The following SNX19 variants were observed in gnomAD, a reference collection of about 807,000 sequenced individuals.
SNX19 encodes the protein sorting nexin-19.
SNX19 carries 60 observed loss-of-function variants against 85.2 expected under a neutral mutation model. The observed-to-expected ratio is 0.70, with a 90% CI of 0.57 to 0.87. The LOEUF (loss-of-function observed/expected upper bound fraction) is 0.87. SNX19 is among the 40% of genes least tolerant of loss of function. The pLI is 0.00. For missense variants in SNX19, 1,201 were observed against 1,217.8 expected, an observed-to-expected ratio of 0.99 and a Z score of 0.21; for synonymous variants, 520 against 470.0, an observed-to-expected ratio of 1.11 and a Z score of -1.38.
intron 8 of SNX19, among the ~76,000 whole-genome samples, chr11:130,893,314 A>G (rs575152689): frequency 6.6e-6 from 1 of 152,204 alleles, no homozygotes; most frequent in Non-Finnish European, 1.5e-5. Context: ...TTAGGGATTT[A>G]TTTAAATCAG....
intron 8 of SNX19, among the ~76,000 whole-genome samples, chr11:130,895,603 C>G (rs1180557935): frequency 1.3e-5 from 2 of 151,974 alleles, no homozygotes; most frequent in Non-Finnish European, 2.9e-5. Flanking sequence ...AAGAACCTGA[C>G]TTGGAAAAAA....
intron 8 of SNX19, among the ~76,000 whole-genome samples, chr11:130,896,458 C>A (rs1944884141): frequency 6.6e-6 from 1 of 152,042 alleles, no homozygotes; most frequent in Admixed American, 6.5e-5. Context: ...TCCCTGAGAC[C>A]AGCTGGATGG....
Position 130,916,198 on chromosome 11 carries a change from GC to G in SNX19, c.-260del, listed in dbSNP as rs1393472616. Reference sequence around the variant, plus strand: ...TGTGGCTTTGGAGGAAAACTCTGTGGCCTTCACACTGCCCCAGGCGGAAGGC... The same window carrying G: ...TGTGGCTTTGGAGGAAAACTCTGTGGCTTCACACTGCCCCAGGCGGAAGGC... On this transcript the variant is annotated 5_prime_UTR_variant, in exon 1 of 11. Transcript: ENST00000265909. The G allele has an allele frequency of 7.8e-6, 4 of 513,138 alleles. No homozygotes were observed. Among genetic ancestry groups the G allele is most frequent in the Non-Finnish European group, 1.4e-5 (4 of 286,150 alleles). The allele number at this position is 513,138 out of a possible 1,614,324, so 31.8% of individuals were successfully genotyped here.
At chr11:130,892,295 CGACA>C (rs1944555824) in intron 8 of SNX19, among the ~76,000 whole-genome samples, 1 of 151,700 alleles carries the variant, frequency 6.6e-6, no homozygotes, top group Non-Finnish European at 1.5e-5. Context: ...CACTGAAAAG[CGACA>C]GACAGGTTTG....
intron 8 of SNX19, among the ~76,000 whole-genome samples, chr11:130,899,922 A>G (rs1945144854): frequency 6.6e-6 from 1 of 152,254 alleles, no homozygotes; most frequent in South Asian, 2.1e-4. Flanking sequence ...ACCAAAAAAC[A>G]AAAAGTCAGA....
chr11:130,892,770 G>C (rs1232872886), intron 8 of SNX19: 1 of 152,212 alleles, frequency 6.6e-6, no homozygotes, highest in Admixed American at 6.5e-5. Flanking sequence ...TTTCACTGCA[G>C]AGACTATAGG....
At chr11:130,902,240 G>A (rs1945307544) in intron 8 of SNX19, among the ~76,000 whole-genome samples, 1 of 152,236 alleles carries the variant, frequency 6.6e-6, no homozygotes, top group South Asian at 2.1e-4. Flanking sequence ...TGTAAATGGA[G>A]ATTGGGCGCT....
rs908586426 is a variant in SNX19, at chr11:130,869,032, C to T, written c.*9390G>A. The T allele has an allele frequency of 2.0e-5, 3 of 152,160 alleles. No homozygotes were observed. The highest frequency in any genetic ancestry group is 2.1e-4 in the South Asian group (1 of 4,828). The allele number at this position is 152,160 out of a possible 1,614,324, so 9.4% of individuals were successfully genotyped here. A position where few individuals can be genotyped will look rare whatever the true frequency, so the allele number is the denominator to read the frequency against. ...GGATGGAGGCACTAGCTGAGGCTTA[C>T]GAGTTAGAATAGATAAGGTGAAAAT... On this transcript the variant is annotated 3_prime_UTR_variant, in exon 11 of 11. Transcript: ENST00000265909.
Position 130,915,688 on chromosome 11 carries a change from C to G in SNX19, c.252G>C (p.Pro84=). 1 of 1,614,202 alleles carries G rather than the reference C, an allele frequency of 6.2e-7. No individual in the cohort carries two copies. Among genetic ancestry groups the G allele is most frequent in the Non-Finnish European group, 8.5e-7 (1 of 1,180,038 alleles). ...CAGGGCATGGAGGACAGGTGGCCAA[C>G]GGGATGAAGCGTTCCAGATGCAGTC... The part of the protein sequence containing the change: ...SGRLHLERFI[P]LATCPPCPEA... The change falls in exon 1 of 11, where the codon CCG becomes CCC. Residue 84 remains proline (P), a synonymous_variant. Transcript: ENST00000265909.
chr11:130,906,493 CT>C, intron 6 of SNX19, 131 bp downstream of exon 6: 1 of 710,486 alleles, frequency 1.4e-6, no homozygotes, highest in South Asian at 1.8e-5. Context: ...AGCATAAAAG[CT>C]GGAGATCCAA....
intron 8 of SNX19, among the ~76,000 whole-genome samples, chr11:130,886,733 G>A (rs1325152308): frequency 6.6e-6 from 1 of 152,184 alleles, no homozygotes; most frequent in African/African-American, 2.4e-5. Flanking sequence ...CCTGATAAAA[G>A]TTATACTTCT....
At chr11:130,882,764 T>A (rs1943771779) in intron 8 of SNX19, among the ~76,000 whole-genome samples, 1 of 152,214 alleles carries the variant, frequency 6.6e-6, no homozygotes, top group African/African-American at 2.4e-5. Flanking sequence ...CTGCAGGGGA[T>A]TAAGTGACCC....
intron 8 of SNX19, among the ~76,000 whole-genome samples, chr11:130,889,537 T>TG (rs2135319565): frequency 7.9e-6 from 1 of 127,222 alleles, no homozygotes; most frequent in Non-Finnish European, 1.8e-5. Flanking sequence ...AAACTTTGAG[T>TG]GATACCTTCA....
chr11:130,880,993 T>C (rs1943628512), intron 8 of SNX19, 187 bp from the exon 9 acceptor site: 2 of 413,646 alleles, frequency 4.8e-6, no homozygotes, highest in Non-Finnish European at 8.6e-6. Context: ...AATGCCCTTA[T>C]AAAAGAAACC....
In SNX19 at chr11:130,874,089, C is replaced by T. The variant is rs532307987; in HGVS notation, c.*4333G>A. ...TAAGGCTAGAATGCAGTGGTGTGAT[C>T]GTAGCTCACTGCAGCCTCAAATTCC... On this transcript the variant is annotated 3_prime_UTR_variant, in exon 11 of 11. Transcript: ENST00000265909. Among the ~76,000 whole-genome samples, 9 of 151,682 alleles carry T rather than the reference C, an allele frequency of 5.9e-5. No homozygotes were observed. The highest frequency in any genetic ancestry group is 4.2e-4 in the South Asian group (2 of 4,806).
chr11:130,911,481 C>A, intron 2 of SNX19, 152 bp downstream of exon 2: 1 of 1,481,550 alleles, frequency 6.7e-7, no homozygotes, highest in Non-Finnish European at 8.9e-7. Context: ...TGCTGTCCAG[C>A]ACTAAACTTC....
In SNX19 at chr11:130,905,982, G is replaced by A; in HGVS notation, c.2414C>T (p.Pro805Leu). 2 of 1,614,204 alleles carry A rather than the reference G, an allele frequency of 1.2e-6. No homozygotes were observed. Among genetic ancestry groups the A allele is most frequent in the Non-Finnish European group, 1.7e-6 (2 of 1,180,044 alleles). The change falls in exon 7 of 11, where the codon CCA becomes CTA. Residue 805 changes from proline to leucine, a missense_variant. By Grantham distance (98) the Pro-to-Leu change is moderately conservative (BLOSUM62 -3). Around this residue, in one of 3 missense-constraint regions of SNX19, gnomAD observed 285 missense variants for 295.3 expected, o/e 0.97. Coordinates refer to ENST00000265909, the MANE Select transcript of SNX19 (RefSeq NM_014758.3). ...VDSCVSDAAV[P>L]AQDPSNSDPG... The stretch of plus-strand genomic sequence containing the variant: ...ATCGCTGTTGCTGGGGTCTTGGGCT[G>A]GCACGGCTGCATCTGACACGCAACT...
intron 8 of SNX19, among the ~76,000 whole-genome samples, chr11:130,891,878 T>A (rs900127600): frequency 3.3e-5 from 5 of 151,264 alleles, no homozygotes; most frequent in African/African-American, 1.2e-4. Context: ...TCTCATTCTG[T>A]CGCCCAGGCT....
rs1943280662 is a variant in SNX19, at chr11:130,876,788, G to C, written c.*1634C>G. Reference sequence around the variant, plus strand: ...TTTCTTGTCAAAGTCTAGGGCTGGAGATGCTTCAAGAACTTTGGAGCCATA... The same window carrying C: ...TTTCTTGTCAAAGTCTAGGGCTGGACATGCTTCAAGAACTTTGGAGCCATA... On this transcript the variant is annotated 3_prime_UTR_variant, in exon 11 of 11. Coordinates refer to ENST00000265909, the MANE Select transcript of SNX19 (RefSeq NM_014758.3). 2 of 152,654 alleles carry C rather than the reference G, an allele frequency of 1.3e-5. No homozygotes were observed. Among genetic ancestry groups the C allele is most frequent in the African/African-American group, 4.8e-5 (2 of 41,450 alleles). The allele number at this position is 152,654 out of a possible 1,614,324, so 9.5% of individuals were successfully genotyped here.
Sources: gnomAD v4.1 joint callset for allele counts (sites outside exome capture counted in the v4.1 genomes callset) on GRCh38, gnomAD v4.1.1 for gene constraint, gnomAD v4.1.1 regional missense constraint, MANE v1.5 for transcripts, NCBI Gene and HGNC (gene_info 2026-07-23, HGNC 2026-07-21) for gene names.